Variants in ZNF804A observed in about 807,000 individuals in gnomAD.
The protein encoded by ZNF804A is zinc finger protein 804A.
In ZNF804A, 2 loss-of-function variants were observed where a neutral mutation model predicts 16.5. The ratio of observed to expected loss-of-function variants is 0.12; its 90% CI spans 0.05 to 0.38. The LOEUF (loss-of-function observed/expected upper bound fraction) is 0.38. Among genes scored for constraint, ZNF804A ranks in the 10% least tolerant of loss-of-function variants. The probability of loss-of-function intolerance (pLI) is 0.99; values close to 1 mark genes in which losing one functional copy is unlikely to be tolerated. For synonymous variants in ZNF804A, 534 were observed against 489.6 expected (o/e 1.09, Z -1.20); for missense variants, 1,473 against 1,390.7 (o/e 1.06, Z -0.94).
At chr2:184,651,997 T>C (rs6434096) in intron 1 of ZNF804A, among the ~76,000 whole-genome samples, 85,568 of 151,976 alleles carry the variant, frequency 0.56, 25,106 homozygotes, top group African/African-American at 0.69. Flanking sequence ...CATATTTTAA[T>C]TGTAGAACAT....
At chr2:184,657,888 G>A (rs755321683) in intron 1 of ZNF804A, among the ~76,000 whole-genome samples, 2 of 152,162 alleles carry the variant, frequency 1.3e-5, no homozygotes, top group Non-Finnish European at 2.9e-5. Flanking sequence ...ATGGATAATT[G>A]GAGTATGGAG....
chr2:184,904,445 G>T (rs571687560), intron 2 of ZNF804A, among the ~76,000 whole-genome samples: 1 of 151,906 alleles, frequency 6.6e-6, no homozygotes, highest in Non-Finnish European at 1.5e-5. Context: ...CTAAATAGTC[G>T]ACTAAGTTGC....
At chr2:184,688,250 G>A (rs72899986) in intron 1 of ZNF804A, among the ~76,000 whole-genome samples, 7,881 of 151,946 alleles carry the variant, frequency 0.052, 261 homozygotes, top group Non-Finnish European at 0.077. Context: ...ACACTCCCCA[G>A]TTCATTCTTC....
chr2:184,657,754 A>G (rs1237758005), intron 1 of ZNF804A, among the ~76,000 whole-genome samples: 1 of 152,162 alleles, frequency 6.6e-6, no homozygotes, highest in Admixed American at 6.5e-5. Flanking sequence ...CTGAATACTT[A>G]TCTAATGGGA....
At chr2:184,780,744 G>C (rs940218084) in intron 1 of ZNF804A, among the ~76,000 whole-genome samples, 13 of 151,670 alleles carry the variant, frequency 8.6e-5, no homozygotes, top group Non-Finnish European at 1.2e-4. Flanking sequence ...ATAAATGCTA[G>C]GTCTTAAAAA....
chr2:184,794,051 T>G (rs1400591139), intron 1 of ZNF804A, among the ~76,000 whole-genome samples: 1 of 152,170 alleles, frequency 6.6e-6, no homozygotes, highest in Non-Finnish European at 1.5e-5. Flanking sequence ...AGTATCTTTT[T>G]AAAATAATTA....
chr2:184,873,878 G>A (rs190713927), intron 2 of ZNF804A, among the ~76,000 whole-genome samples: 4 of 152,216 alleles, frequency 2.6e-5, no homozygotes, highest in Admixed American at 2.6e-4. Context: ...ATTTTTGAAA[G>A]TATGATTGAT....
rs141007716 is a variant in ZNF804A, at chr2:184,824,578, A to G, written c.112-41791A>G. 1.6e-3 allele frequency among the ~76,000 whole-genome samples: 241 copies of G among 152,244 alleles called. 5 individuals carry two copies. The East Asian group carries it at 0.041, about 26-fold the overall frequency. On this transcript the variant is annotated intron_variant, in intron 1 of 3. Transcript: ENST00000302277. ...TCTCATCCTTCTATACACATCTCCA[A>G]TATTATTTACTGTTCTTATTACTAT...
At chr2:184,932,791 T>A (rs1336484599) in intron 2 of ZNF804A, among the ~76,000 whole-genome samples, 2 of 152,170 alleles carry the variant, frequency 1.3e-5, no homozygotes, top group African/African-American at 2.4e-5. Context: ...TCTCCAAAAT[T>A]ATACCACACA....
chr2:184,808,488 G>A (rs1432127727), intron 1 of ZNF804A, among the ~76,000 whole-genome samples: 4 of 151,432 alleles, frequency 2.6e-5, no homozygotes, highest in African/African-American at 7.3e-5. Flanking sequence ...TATTGAAAGC[G>A]AGATACAGAC....
intron 1 of ZNF804A, among the ~76,000 whole-genome samples, chr2:184,673,355 G>T (rs1368005086): frequency 6.6e-6 from 1 of 152,106 alleles, no homozygotes; most frequent in Non-Finnish European, 1.5e-5. Context: ...TATCCATATA[G>T]CTTTTGTCTT....
intron 1 of ZNF804A, among the ~76,000 whole-genome samples, chr2:184,722,375 G>A (rs1310846446): frequency 6.6e-6 from 1 of 151,996 alleles, no homozygotes; most frequent in Non-Finnish European, 1.5e-5. Flanking sequence ...CATCTGTGAA[G>A]TTTATGTTTT....
chr2:184,823,165 A>G lies in ZNF804A; in HGVS notation c.112-43204A>G, dbSNP rs1428546848. ...GTCTCTTTCCAAGATGGCACCTTGA[A>G]CACTCTGTCCTCTGGAGGGGAGGAT... On this transcript the variant is annotated intron_variant, in intron 1 of 3. Coordinates refer to ENST00000302277, the MANE Select transcript of ZNF804A (RefSeq NM_194250.2). Among the ~76,000 whole-genome samples the G allele has an allele frequency of 2.0e-5, 3 of 152,158 alleles. No individual in the cohort carries two copies. In the East Asian group the frequency reaches 5.8e-4, roughly 29 times the overall value.
At chr2:184,718,393 C>T (rs1040258623) in intron 1 of ZNF804A, among the ~76,000 whole-genome samples, 1 of 152,068 alleles carries the variant, frequency 6.6e-6, no homozygotes, top group Non-Finnish European at 1.5e-5. Flanking sequence ...ATTTCAAAAC[C>T]AATCATGCCT....
intron 1 of ZNF804A, among the ~76,000 whole-genome samples, chr2:184,735,943 A>G (rs1056538207): frequency 6.6e-6 from 1 of 152,196 alleles, no homozygotes; most frequent in Non-Finnish European, 1.5e-5. Context: ...TACAACATTG[A>G]GTAGATGATT....
Position 184,939,328 on chromosome 2 carries a change from T to A in ZNF804A, c.*302T>A. 4.9e-6 allele frequency: 1 copy of A among 204,174 alleles called. No individual in the cohort carries two copies. Among genetic ancestry groups the A allele is most frequent in the Admixed American group, 5.5e-5 (1 of 18,140 alleles). The allele number at this position is 204,174 out of a possible 1,614,324, so 12.6% of individuals were successfully genotyped here. On this transcript the variant is annotated 3_prime_UTR_variant, in exon 4 of 4. Coordinates refer to ENST00000302277, the MANE Select transcript of ZNF804A (RefSeq NM_194250.2). ...AATATATTTATAGTACTCTAATTTA[T>A]GTTGTAAAGTATGCTCCCTTGGTTT...
At chr2:184,910,220 T>A (rs1173546354) in intron 2 of ZNF804A, among the ~76,000 whole-genome samples, 1 of 151,938 alleles carries the variant, frequency 6.6e-6, no homozygotes, top group Non-Finnish European at 1.5e-5. Context: ...TGAGAACATG[T>A]GGTATTTCCT....
At chr2:184,897,350 C>A (rs1469016882) in intron 2 of ZNF804A, among the ~76,000 whole-genome samples, 1 of 151,850 alleles carries the variant, frequency 6.6e-6, no homozygotes, top group Non-Finnish European at 1.5e-5. Flanking sequence ...CAATTTTTTC[C>A]CCTTTCCATA....
At chr2:184,826,489 T>C (rs999223254) in intron 1 of ZNF804A, among the ~76,000 whole-genome samples, 1 of 152,144 alleles carries the variant, frequency 6.6e-6, no homozygotes, top group Non-Finnish European at 1.5e-5. Flanking sequence ...TTTCTTTATA[T>C]TTGTGAAATT....
Sources: allele counts gnomAD v4.1 joint callset (sites outside exome capture counted in the v4.1 genomes callset), GRCh38; gene constraint gnomAD v4.1.1; transcripts MANE v1.5; gene names NCBI Gene and HGNC (gene_info 2026-07-23, HGNC 2026-07-21).